SYNPR: variants seen among roughly 807,000 people sequenced by gnomAD.
SYNPR encodes synaptoporin.
In SYNPR, 23 loss-of-function variants were observed where a neutral mutation model predicts 32.9. The observed-to-expected ratio is 0.70, with a 90% CI of 0.50 to 0.99. The LOEUF is 0.99. Ranked by LOEUF, SYNPR falls within the 50% of genes least tolerant of loss-of-function variation. The pLI is 0.00. For synonymous variants in SYNPR, 146 were observed against 135.9 expected, an observed-to-expected ratio of 1.07 and a Z score of -0.52; for missense variants, 318 against 349.3, an observed-to-expected ratio of 0.91 and a Z score of 0.71.
At chr3:63,393,037 A>G (rs2088160025) in intron 2 of SYNPR, among the ~76,000 whole-genome samples, 1 of 152,220 alleles carries the variant, frequency 6.6e-6, no homozygotes, top group African/African-American at 2.4e-5. Flanking sequence ...TCAAACACAC[A>G]TGATAGCATT....
chr3:63,597,149 G>A (rs970949350), intron 4 of SYNPR, among the ~76,000 whole-genome samples: 11 of 151,958 alleles, frequency 7.2e-5, no homozygotes, highest in Admixed American at 5.9e-4. Context: ...TACATATGCC[G>A]CTCCTATTTG....
At chr3:63,245,629 C>T (rs2086277836) in intron 1 of SYNPR, among the ~76,000 whole-genome samples, 1 of 150,628 alleles carries the variant, frequency 6.6e-6, no homozygotes, top group East Asian at 1.9e-4. Flanking sequence ...ACTTAATGCT[C>T]AGTACATAGT....
chr3:63,204,345 T>A, the SYNPR span, among the ~76,000 whole-genome samples: 4 of 152,166 alleles, frequency 2.6e-5, no homozygotes, highest in East Asian at 7.7e-4. Context: ...GAAGCACAAC[T>A]CAGACCTCTC....
At chr3:63,407,392 G>A (rs1451370884) in intron 2 of SYNPR, among the ~76,000 whole-genome samples, 1 of 152,184 alleles carries the variant, frequency 6.6e-6, no homozygotes, top group Non-Finnish European at 1.5e-5. Context: ...GTAATATAGT[G>A]GTCGAATCTG....
intron 3 of SYNPR, among the ~76,000 whole-genome samples, chr3:63,528,755 C>T (rs1049448348): frequency 6.6e-6 from 1 of 152,066 alleles, no homozygotes; most frequent in African/African-American, 2.4e-5. Flanking sequence ...TGATGGAGTA[C>T]TACGCGATCT....
intron 2 of SYNPR, among the ~76,000 whole-genome samples, chr3:63,332,499 C>G (rs7612439): frequency 0.034 from 5,197 of 152,168 alleles, 280 homozygotes; most frequent in African/African-American, 0.12. Context: ...TAGGTCAGTA[C>G]TTTGCACAGA....
chr3:63,307,909 T>G (rs920883738), intron 2 of SYNPR, among the ~76,000 whole-genome samples: 5 of 152,092 alleles, frequency 3.3e-5, no homozygotes, highest in East Asian at 3.9e-4. Flanking sequence ...GATATCAGAC[T>G]TGAGAAGAAC....
intron 1 of SYNPR, among the ~76,000 whole-genome samples, chr3:63,241,670 G>C (rs1425312816): frequency 1.3e-5 from 2 of 152,038 alleles, no homozygotes. Context: ...ATAAGTGTAA[G>C]AGGAAAGCTA....
intron 2 of SYNPR, among the ~76,000 whole-genome samples, chr3:63,467,111 C>T (rs912378448): frequency 2.0e-5 from 3 of 152,128 alleles, no homozygotes; most frequent in Non-Finnish European, 4.4e-5. Flanking sequence ...CTCAGGCTCA[C>T]GTCATCCTCC....
At chr3:63,236,089 G>A (rs1384749758) in intron 1 of SYNPR, among the ~76,000 whole-genome samples, 1 of 148,776 alleles carries the variant, frequency 6.7e-6, no homozygotes, top group Non-Finnish European at 1.5e-5. Context: ...CTTTATGGAT[G>A]CCCAATTAGT....
intron 2 of SYNPR, among the ~76,000 whole-genome samples, chr3:63,301,589 TC>T (rs1177474700): frequency 8.5e-5 from 13 of 152,220 alleles, no homozygotes; most frequent in African/African-American, 2.9e-4. Context: ...AATTAAAATT[TC>T]CTATACTATT....
intron 2 of SYNPR, among the ~76,000 whole-genome samples, chr3:63,467,637 G>A (rs1293494085): frequency 6.6e-6 from 1 of 152,202 alleles, no homozygotes; most frequent in African/African-American, 2.4e-5. Flanking sequence ...CTAAGTAGCA[G>A]CAGCAGTTGT....
chr3:63,445,816 C>T (rs1176859859), intron 2 of SYNPR, among the ~76,000 whole-genome samples: 1 of 152,184 alleles, frequency 6.6e-6, no homozygotes, highest in East Asian at 1.9e-4. Context: ...GTCATTGGTA[C>T]AATCTACAAC....
the SYNPR span, among the ~76,000 whole-genome samples, chr3:63,207,311 G>T: frequency 6.6e-6 from 1 of 152,128 alleles, no homozygotes; most frequent in Non-Finnish European, 1.5e-5. Flanking sequence ...CCTCTATAAA[G>T]CATTCTGGCA....
chr3:63,209,212 T>G, the SYNPR span, among the ~76,000 whole-genome samples: 118,999 of 151,540 alleles, frequency 0.79, 47,160 homozygotes, highest in Middle Eastern at 0.87. Context: ...CAGCTGCTCA[T>G]AAGGTTGAGG....
chr3:63,270,194 A>G (rs1406803669), intron 3 of SYNPR, among the ~76,000 whole-genome samples: 3 of 152,304 alleles, frequency 2.0e-5, no homozygotes, highest in East Asian at 1.9e-4. Context: ...ACATAATAGC[A>G]TGAACAAAGT....
chr3:63,455,874 G>A (rs576877097), intron 2 of SYNPR, among the ~76,000 whole-genome samples: 1 of 151,684 alleles, frequency 6.6e-6, no homozygotes, highest in Non-Finnish European at 1.5e-5. Flanking sequence ...CAATATCAAG[G>A]CCCTTCTTTT....
At chr3:63,357,908 G>A (rs1194749794) in intron 2 of SYNPR, among the ~76,000 whole-genome samples, 2 of 152,132 alleles carry the variant, frequency 1.3e-5, no homozygotes, top group Non-Finnish European at 2.9e-5. Flanking sequence ...CATTTTTCCG[G>A]GAAGGAGTAG....
intron 2 of SYNPR, among the ~76,000 whole-genome samples, chr3:63,292,099 G>A (rs2086746280): frequency 6.6e-6 from 1 of 152,122 alleles, no homozygotes; most frequent in African/African-American, 2.4e-5. Context: ...CTAAACAGAG[G>A]AAGGATATGG....
Sources: allele counts gnomAD v4.1 joint callset (sites outside exome capture counted in the v4.1 genomes callset), GRCh38; gene constraint gnomAD v4.1.1; transcripts MANE v1.5; gene names NCBI Gene and HGNC (gene_info 2026-07-23, HGNC 2026-07-21).